Variants in MACROD2 observed in about 807,000 individuals in gnomAD.
MACROD2 encodes the protein ADP-ribose glycohydrolase MACROD2.
MACROD2 carries 36 observed loss-of-function variants against 70.4 expected under a neutral mutation model. The ratio of observed to expected loss-of-function variants is 0.51; its 90% CI spans 0.39 to 0.68. The LOEUF is 0.68. Among genes scored for constraint, MACROD2 ranks in the 30% least tolerant of loss-of-function variants. The pLI is 0.00. For missense variants in MACROD2, 496 were observed against 538.4 expected (o/e 0.92, Z 0.78); for synonymous variants, 172 against 178.8 (o/e 0.96, Z 0.30).
intron 5 of MACROD2, among the ~76,000 whole-genome samples, chr20:15,206,728 T>G (rs1273836677): frequency 3.1e-5 from 2 of 64,824 alleles, no homozygotes; most frequent in Non-Finnish European, 6.0e-5. Flanking sequence ...TATGTTTTTT[T>G]TTTTTTTTTT....
intron 3 of MACROD2, among the ~76,000 whole-genome samples, chr20:14,124,665 T>A (rs573183652): frequency 1.3e-5 from 2 of 152,220 alleles, no homozygotes; most frequent in Non-Finnish European, 2.9e-5. Context: ...CAGAGGATGT[T>A]GAGAAATTGG....
chr20:14,793,537 G>A (rs1309808068), intron 5 of MACROD2, among the ~76,000 whole-genome samples: 1 of 151,728 alleles, frequency 6.6e-6, no homozygotes, highest in African/African-American at 2.4e-5. Flanking sequence ...AATCTTAGCA[G>A]TTATTTCAAT....
At chr20:15,897,697 T>A (rs2064994665) in intron 10 of MACROD2, among the ~76,000 whole-genome samples, 1 of 152,188 alleles carries the variant, frequency 6.6e-6, no homozygotes, top group African/African-American at 2.4e-5. Context: ...GTTTTCTTTT[T>A]TGATAGGTTT....
chr20:15,916,289 C>T (rs2065314078), intron 10 of MACROD2, among the ~76,000 whole-genome samples: 1 of 152,166 alleles, frequency 6.6e-6, no homozygotes, highest in Non-Finnish European at 1.5e-5. Flanking sequence ...GGATGCGTGT[C>T]CTCATGAGAT....
At chr20:14,997,166 G>C (rs1183857000) in intron 5 of MACROD2, among the ~76,000 whole-genome samples, 1 of 152,150 alleles carries the variant, frequency 6.6e-6, no homozygotes, top group African/African-American at 2.4e-5. Flanking sequence ...GAAGGAAAAG[G>C]AGTGGGGAGA....
At chr20:14,072,903 C>T (rs996350230) in intron 2 of MACROD2, among the ~76,000 whole-genome samples, 5 of 148,246 alleles carry the variant, frequency 3.4e-5, no homozygotes, top group Non-Finnish European at 5.9e-5. Context: ...CACTGCACTC[C>T]AGCCTGGGCG....
intron 15 of MACROD2, among the ~76,000 whole-genome samples, chr20:16,008,051 C>A (rs1274584316): frequency 6.6e-6 from 1 of 152,154 alleles, no homozygotes; most frequent in East Asian, 1.9e-4. Context: ...CTATCTTTCG[C>A]AGGAGTTCTT....
rs185795683 is a variant in MACROD2 at position 14,635,643 on chromosome 20, C to T, written c.302-49200C>T. 9.2e-5 allele frequency among the ~76,000 whole-genome samples: 14 copies of T among 152,290 alleles called. No individual in the cohort carries two copies. The East Asian group carries it at 2.3e-3, about 25-fold the overall frequency. ...GATGTATTTGTCATTTACAAAGACA[C>T]AAGACCTTATTTCCATATTTCAGTC... On this transcript the variant is annotated intron_variant, in intron 4 of 17. Transcript: ENST00000684519.
At chr20:14,813,258 C>T (rs1289241241) in intron 5 of MACROD2, among the ~76,000 whole-genome samples, 1 of 151,490 alleles carries the variant, frequency 6.6e-6, no homozygotes, top group African/African-American at 2.4e-5. Context: ...TAAATGTGGG[C>T]CATGGTGTTT....
At chr20:14,360,584 C>T (rs2122717816) in intron 3 of MACROD2, among the ~76,000 whole-genome samples, 1 of 152,312 alleles carries the variant, frequency 6.6e-6, no homozygotes, top group South Asian at 2.1e-4. Flanking sequence ...GTCACTTCAT[C>T]TCTCCTGAGG....
chr20:14,648,047 A>G (rs1191012122), intron 4 of MACROD2, among the ~76,000 whole-genome samples: 1 of 152,178 alleles, frequency 6.6e-6, no homozygotes, highest in Non-Finnish European at 1.5e-5. Flanking sequence ...CTTTGCCTCC[A>G]TAGTGCCTTA....
intron 6 of MACROD2, among the ~76,000 whole-genome samples, chr20:15,258,228 A>G (rs1186902902): frequency 6.6e-6 from 1 of 152,070 alleles, no homozygotes; most frequent in African/African-American, 2.4e-5. Context: ...ATTATTGAAG[A>G]AAAACTTTTT....
At chr20:15,758,160 A>C (rs2051376326) in intron 8 of MACROD2, among the ~76,000 whole-genome samples, 1 of 152,204 alleles carries the variant, frequency 6.6e-6, no homozygotes, top group South Asian at 2.1e-4. Context: ...TAATTTATGT[A>C]TAAATTACCA....
chr20:15,273,874 T>C (rs2077367841), intron 6 of MACROD2, among the ~76,000 whole-genome samples: 1 of 152,214 alleles, frequency 6.6e-6, no homozygotes, highest in South Asian at 2.1e-4. Context: ...TTGGTTTCTT[T>C]ATCTGTGAAC....
Position 14,051,451 on chromosome 20 carries a change from A to G in MACROD2, c.164-34170A>G, listed in dbSNP as rs868167146. Among the ~76,000 whole-genome samples the G allele has an allele frequency of 7.9e-5, 12 of 152,294 alleles. No homozygotes were observed. The South Asian group carries it at 8.3e-4, about 11-fold the overall frequency. Reference sequence around the variant, plus strand: ...CCTATTATTCCTGGACGTTTACAGAAGTATATTTTCACACACTTCTCTGAA... The same window carrying G: ...CCTATTATTCCTGGACGTTTACAGAGGTATATTTTCACACACTTCTCTGAA... On this transcript the variant is annotated intron_variant, in intron 2 of 17. Transcript: ENST00000684519.
At chr20:14,348,560 A>G (rs1246809790) in intron 3 of MACROD2, among the ~76,000 whole-genome samples, 2 of 152,104 alleles carry the variant, frequency 1.3e-5, no homozygotes, top group African/African-American at 4.8e-5. Flanking sequence ...TAGACAAAAA[A>G]AAAAAAGAAT....
chr20:14,558,534 A>G (rs1234054444), intron 4 of MACROD2, among the ~76,000 whole-genome samples: 1 of 151,772 alleles, frequency 6.6e-6, no homozygotes. Context: ...TAAGAAAAAA[A>G]TTGTTATATT....
chr20:14,032,009 G>A (rs758764776), intron 2 of MACROD2, among the ~76,000 whole-genome samples: 19 of 152,070 alleles, frequency 1.2e-4, no homozygotes, highest in Middle Eastern at 3.4e-3. Flanking sequence ...GTCATGTTGC[G>A]TCTTATGCTT....
At chr20:15,738,486 ATAAG>A (rs2051058048) in intron 8 of MACROD2, among the ~76,000 whole-genome samples, 1 of 152,262 alleles carries the variant, frequency 6.6e-6, no homozygotes, top group African/African-American at 2.4e-5. Context: ...GTGAGAGTTG[ATAAG>A]TAAGAAGGAA....
Sources: gnomAD v4.1 joint callset for allele counts (sites outside exome capture counted in the v4.1 genomes callset) on GRCh38, gnomAD v4.1.1 for gene constraint, MANE v1.5 for transcripts, NCBI Gene and HGNC (gene_info 2026-07-23, HGNC 2026-07-21) for gene names.